Variants in MEI4 observed in about 807,000 individuals in gnomAD.
MEI4 encodes the protein meiotic double-stranded break formation protein 4.
MEI4 carries 27 observed loss-of-function variants against 31.4 expected under a neutral mutation model. That is an observed-to-expected ratio of 0.86 (90% confidence interval 0.63 to 1.19). The LOEUF (loss-of-function observed/expected upper bound fraction) is 1.19. Among genes scored for constraint, MEI4 ranks in the 50% most tolerant of loss-of-function variants. MEI4 has a pLI of 0.00. For synonymous variants in MEI4, 122 were observed against 145.4 expected (o/e 0.84, Z 1.16); for missense variants, 329 against 398.9 (o/e 0.82, Z 1.49).
At chr6:77,732,901 T>C (rs1199338147) in intron 2 of MEI4, among the ~76,000 whole-genome samples, 3 of 151,464 alleles carry the variant, frequency 2.0e-5, no homozygotes, top group African/African-American at 7.3e-5. Context: ...GGTTTTTGTC[T>C]TTGGTTCTGT....
chr6:77,816,573 C>G (rs1426338641), intron 3 of MEI4, among the ~76,000 whole-genome samples: 2 of 152,100 alleles, frequency 1.3e-5, no homozygotes, highest in Non-Finnish European at 2.9e-5. Context: ...CAAGTCTTTG[C>G]TATTGTGAAT....
At position 77,735,481 on chromosome 6, in the gene MEI4, T is replaced by C. The variant is rs1256125727; in HGVS notation, c.233-25649T>C. Reference sequence around the variant, plus strand: ...AGTTCTCGAGCCTTGGTTTTCAGCTTCATCAGGTCCTTTAAGCACTTCTCT... The same window carrying C: ...AGTTCTCGAGCCTTGGTTTTCAGCTCCATCAGGTCCTTTAAGCACTTCTCT... On this transcript the variant is annotated intron_variant, in intron 2 of 4. Transcript: ENST00000684080. Among the ~76,000 whole-genome samples, 208 of 152,178 alleles carry C rather than the reference T, an allele frequency of 1.4e-3. 2 individuals are homozygous for C. The highest frequency in any genetic ancestry group is 4.4e-3 in the African/African-American group (183 of 41,446).
intron 2 of MEI4, among the ~76,000 whole-genome samples, chr6:77,734,922 G>A (rs1188638403): frequency 2.6e-5 from 4 of 151,716 alleles, no homozygotes; most frequent in Non-Finnish European, 5.9e-5. Flanking sequence ...ATGAAATTCT[G>A]GGTTGAAAAT....
chr6:77,923,959 T>G lies in MEI4; in HGVS notation c.*613T>G, dbSNP rs1766779219. 2 of 151,702 alleles carry G rather than the reference T, an allele frequency of 1.3e-5. No homozygotes were observed. Among genetic ancestry groups the G allele is most frequent in the Non-Finnish European group, 1.5e-5 (1 of 67,806 alleles). 9.4% of individuals were successfully genotyped at this position (151,702 alleles called of 1,614,324 possible). ...TCTTTTGAAAATACTATTAATTAGT[T>G]GTTTAAAATGTTCTTTGTTTTTCAA... On this transcript the variant is annotated 3_prime_UTR_variant, in exon 5 of 5. Coordinates refer to ENST00000684080, the MANE Select transcript of MEI4 (RefSeq NM_001322247.2).
intron 4 of MEI4, among the ~76,000 whole-genome samples, chr6:77,851,714 A>G (rs1483181605): frequency 6.6e-6 from 1 of 151,912 alleles, no homozygotes; most frequent in Non-Finnish European, 1.5e-5. Flanking sequence ...GCACACCAAC[A>G]TGGTACATGT....
chr6:77,801,402 C>T lies in MEI4; in HGVS notation c.769-27529C>T, dbSNP rs141822418. Among the ~76,000 whole-genome samples the T allele has an allele frequency of 4.4e-3, 674 of 152,226 alleles. 3 individuals carry two copies. The highest frequency in any genetic ancestry group is 6.2e-3 in the Non-Finnish European group (423 of 68,012). On this transcript the variant is annotated intron_variant, in intron 3 of 4. Coordinates refer to ENST00000684080, the MANE Select transcript of MEI4 (RefSeq NM_001322247.2). ...TTTTCTTCTTTTTTAGTCTTGCTAG[C>T]AGTCTGTCAATTTTGTTGCTCTTTT...
chr6:77,834,425 GATT>G (rs1455379534), intron 4 of MEI4, among the ~76,000 whole-genome samples: 2 of 145,196 alleles, frequency 1.4e-5, no homozygotes, highest in African/African-American at 5.0e-5. Flanking sequence ...TATATTTATA[GATT>G]ATATGTCGTA....
chr6:77,821,799 CAAAAAAA>C (rs34905460), intron 3 of MEI4, among the ~76,000 whole-genome samples: 11 of 93,044 alleles, frequency 1.2e-4, no homozygotes, highest in South Asian at 4.1e-4. Flanking sequence ...GCCATCTCTC[CAAAAAAA>C]AAAAAAAAAA....
At chr6:77,744,240 A>G (rs1405285578) in intron 2 of MEI4, among the ~76,000 whole-genome samples, 8 of 152,304 alleles carry the variant, frequency 5.3e-5, no homozygotes, top group Middle Eastern at 3.4e-3. Flanking sequence ...AGACGAATGT[A>G]TAACTAGAAT....
chr6:77,821,437 C>T lies in MEI4; in HGVS notation c.769-7494C>T, dbSNP rs567134970. Among the ~76,000 whole-genome samples the T allele has an allele frequency of 3.9e-5, 6 of 152,240 alleles. No individual in the cohort carries two copies. The East Asian group carries it at 5.8e-4, about 15-fold the overall frequency. On this transcript the variant is annotated intron_variant, in intron 3 of 4. Coordinates refer to ENST00000684080, the MANE Select transcript of MEI4 (RefSeq NM_001322247.2). ...AAAAGTAGCTTCATCTCTCAGCATG[C>T]GGTTTCCTTGTGGCAGACCCAATGT...
intron 3 of MEI4, among the ~76,000 whole-genome samples, chr6:77,773,581 A>G (rs1245821179): frequency 2.0e-5 from 3 of 152,038 alleles, no homozygotes; most frequent in Non-Finnish European, 4.4e-5. Flanking sequence ...CAACATTGGG[A>G]AAACTTTCCA....
At chr6:77,766,726 G>A (rs1768186709) in intron 3 of MEI4, among the ~76,000 whole-genome samples, 1 of 152,070 alleles carries the variant, frequency 6.6e-6, no homozygotes, top group Non-Finnish European at 1.5e-5. Flanking sequence ...TTTTGACCAT[G>A]CCAGGTCGAA....
chr6:77,664,549 T>C (rs1363839304), intron 1 of MEI4, among the ~76,000 whole-genome samples: 3 of 151,782 alleles, frequency 2.0e-5, no homozygotes, highest in South Asian at 4.2e-4. Context: ...AAAAAGATTA[T>C]AGGGTGGAGG....
At chr6:77,707,151 A>G (rs1407382830) in intron 2 of MEI4, among the ~76,000 whole-genome samples, 2 of 152,088 alleles carry the variant, frequency 1.3e-5, no homozygotes, top group Non-Finnish European at 2.9e-5. Flanking sequence ...AAATGGTGAT[A>G]GAAATATGGA....
intron 2 of MEI4, among the ~76,000 whole-genome samples, chr6:77,733,242 G>A (rs1020723677): frequency 9.2e-5 from 14 of 152,062 alleles, no homozygotes; most frequent in South Asian, 2.1e-4. Context: ...ATTTGGCTGT[G>A]AATCCATCTG....
intron 3 of MEI4, among the ~76,000 whole-genome samples, chr6:77,804,889 A>G (rs1258751408): frequency 1.3e-5 from 2 of 152,316 alleles, no homozygotes; most frequent in East Asian, 1.9e-4. Context: ...AGTCACATGT[A>G]TGCTTATAAA....
At chr6:77,657,018 T>C (rs1768409624) in intron 1 of MEI4, among the ~76,000 whole-genome samples, 2 of 152,184 alleles carry the variant, frequency 1.3e-5, no homozygotes, top group African/African-American at 2.4e-5. Flanking sequence ...AGCAACTGTT[T>C]CAGCTCAAAG....
At chr6:77,663,424 A>G (rs574820066) in intron 1 of MEI4, among the ~76,000 whole-genome samples, 1,758 of 151,564 alleles carry the variant, frequency 0.012, 31 homozygotes, top group African/African-American at 0.04. Context: ...ACAAGAGGAG[A>G]ATGCAAAGGA....
intron 3 of MEI4, among the ~76,000 whole-genome samples, chr6:77,766,410 A>G (rs1768175103): frequency 6.6e-6 from 1 of 151,922 alleles, no homozygotes; most frequent in African/African-American, 2.4e-5. Flanking sequence ...ATGAAATCAG[A>G]TATTTATTTA....
Sources: gnomAD v4.1 joint callset for allele counts (sites outside exome capture counted in the v4.1 genomes callset) on GRCh38, gnomAD v4.1.1 for gene constraint, MANE v1.5 for transcripts, NCBI Gene and HGNC (gene_info 2026-07-23, HGNC 2026-07-21) for gene names.